The following THSD7B variants were observed in gnomAD, a reference collection of about 807,000 sequenced individuals.
THSD7B encodes the protein thrombospondin type-1 domain-containing protein 7B.
THSD7B carries 138 observed loss-of-function variants against 213.6 expected under a neutral mutation model. The ratio of observed to expected loss-of-function variants is 0.65; its 90% CI spans 0.56 to 0.74. THSD7B has a LOEUF of 0.74. Among genes scored for constraint, THSD7B ranks in the 30% least tolerant of loss-of-function variants. The pLI is 0.00. For missense variants in THSD7B, 1,931 were observed against 1,991.5 expected (o/e 0.97, Z 0.58); for synonymous variants, 742 against 687.0 (o/e 1.08, Z -1.25).
At chr2:136,803,204 AAATTTTC>A (rs1295717154) in intron 1 of THSD7B, among the ~76,000 whole-genome samples, 1 of 152,074 alleles carries the variant, frequency 6.6e-6, no homozygotes, top group Non-Finnish European at 1.5e-5. Context: ...TGTTCTGTCC[AAATTTTC>A]AATAAGCAAA....
rs536446314 is a variant in THSD7B, at chr2:137,331,798, G to A, written c.2500+55772G>A. ...CGGTGAGAAATCGAGCGCAGCGCTCGTGGGCTGGTACTGCTGGGGGACCCA... is the reference window on the plus strand; with the variant it reads ...CGGTGAGAAATCGAGCGCAGCGCTCATGGGCTGGTACTGCTGGGGGACCCA... On this transcript the variant is annotated intron_variant, in intron 12 of 27. Transcript: ENST00000409968. Among the ~76,000 whole-genome samples the A allele has an allele frequency of 1.7e-4, 26 of 152,318 alleles. No individual in the cohort carries two copies. In the South Asian group the frequency reaches 3.3e-3, roughly 19 times the overall value.
At chr2:136,779,598 C>T (rs16836622) in intron 1 of THSD7B, among the ~76,000 whole-genome samples, 19,367 of 152,110 alleles carry the variant, frequency 0.13, 1,745 homozygotes, top group East Asian at 0.24. Context: ...TTGGAAACTT[C>T]ATTGAACATA....
intron 12 of THSD7B, among the ~76,000 whole-genome samples, chr2:137,284,329 G>T (rs1032115165): frequency 6.6e-6 from 1 of 151,984 alleles, no homozygotes; most frequent in Non-Finnish European, 1.5e-5. Context: ...AATCAATTTT[G>T]TTGATCTTTT....
At chr2:137,189,870 A>G (rs1470433541) in intron 7 of THSD7B, among the ~76,000 whole-genome samples, 2 of 151,914 alleles carry the variant, frequency 1.3e-5, no homozygotes, top group African/African-American at 4.8e-5. Context: ...CTTCTTATAT[A>G]TGCTCCTCAA....
At chr2:136,949,210 CCTTG>C (rs1684992650) in intron 2 of THSD7B, among the ~76,000 whole-genome samples, 1 of 152,178 alleles carries the variant, frequency 6.6e-6, no homozygotes, top group Non-Finnish European at 1.5e-5. Flanking sequence ...AATTGTGCTT[CCTTG>C]CTTCTTTGGA....
At chr2:137,206,100 T>C (rs1387693292) in intron 7 of THSD7B, among the ~76,000 whole-genome samples, 2 of 151,796 alleles carry the variant, frequency 1.3e-5, no homozygotes, top group African/African-American at 2.4e-5. Flanking sequence ...GGATCAGGAA[T>C]TGCGGAGGGT....
chr2:137,573,955 GT>G (rs1681408876), intron 17 of THSD7B, among the ~76,000 whole-genome samples: 2 of 152,046 alleles, frequency 1.3e-5, no homozygotes, highest in African/African-American at 4.8e-5. Flanking sequence ...AAGGGTAGCT[GT>G]TTTAGTTATC....
chr2:137,360,345 T>C (rs1039524200), intron 12 of THSD7B, among the ~76,000 whole-genome samples: 4 of 152,008 alleles, frequency 2.6e-5, no homozygotes, highest in African/African-American at 9.7e-5. Context: ...AGGTACCTGG[T>C]TCATCTCATT....
At chr2:137,522,538 T>C (rs971933256) in intron 15 of THSD7B, among the ~76,000 whole-genome samples, 1 of 152,126 alleles carries the variant, frequency 6.6e-6, no homozygotes, top group Non-Finnish European at 1.5e-5. Context: ...CTTTTTTTTT[T>C]TTCTTTTCCT....
chr2:136,839,758 T>G (rs1682896302), intron 1 of THSD7B, among the ~76,000 whole-genome samples: 1 of 152,220 alleles, frequency 6.6e-6, no homozygotes, highest in South Asian at 2.1e-4. Flanking sequence ...GGTTTGGTGC[T>G]GCCTGATGGT....
At chr2:137,089,245 GGTGTGTGTGT>G (rs70975799) in intron 3 of THSD7B, among the ~76,000 whole-genome samples, 28 of 126,788 alleles carry the variant, frequency 2.2e-4, no homozygotes, top group African/African-American at 6.7e-4. Flanking sequence ...TAAAGAAAGT[GGTGTGTGTGT>G]GTGTGTGTGT....
chr2:137,389,678 T>TAAA (rs1685977117), intron 12 of THSD7B, among the ~76,000 whole-genome samples: 1 of 150,682 alleles, frequency 6.6e-6, no homozygotes, highest in Non-Finnish European at 1.5e-5. Flanking sequence ...CCCTAGGTTT[T>TAAA]CATCTAGTAT....
At chr2:137,535,560 G>T (rs934817527) in intron 15 of THSD7B, among the ~76,000 whole-genome samples, 1 of 151,518 alleles carries the variant, frequency 6.6e-6, no homozygotes, top group East Asian at 1.9e-4. Context: ...CTTTATACCC[G>T]GTGCCTAACT....
intron 5 of THSD7B, among the ~76,000 whole-genome samples, chr2:137,140,433 CTA>C (rs1679558179): frequency 1.3e-5 from 2 of 152,068 alleles, no homozygotes; most frequent in Admixed American, 1.3e-4. Context: ...CAATATTTTA[CTA>C]TGTTTCCTTG....
chr2:137,304,403 T>C (rs1381572259), intron 12 of THSD7B, among the ~76,000 whole-genome samples: 1 of 152,182 alleles, frequency 6.6e-6, no homozygotes, highest in Non-Finnish European at 1.5e-5. Context: ...CTCATGCAAC[T>C]TACTTTCATT....
chr2:137,642,466 G>A (rs1233528305), intron 20 of THSD7B, 22 bp from the exon 21 acceptor site: 1 of 1,612,144 alleles, frequency 6.2e-7, no homozygotes, highest in Non-Finnish European at 8.5e-7. Flanking sequence ...CTGAAAAGCT[G>A]ACACCTCCCT....
chr2:137,087,625 A>G (rs1687864044), intron 3 of THSD7B, among the ~76,000 whole-genome samples: 1 of 152,236 alleles, frequency 6.6e-6, no homozygotes, highest in Admixed American at 6.5e-5. Flanking sequence ...GGAAAACTAC[A>G]AAACACTGCT....
At position 137,640,251 on chromosome 2, in the gene THSD7B, C is replaced by T. The variant is rs555525677; in HGVS notation, c.3800-2237C>T. On this transcript the variant is annotated intron_variant, in intron 20 of 27. Transcript: ENST00000409968. ...ATCTGATGGGTTTATCAGGGGTTTC[C>T]GCTTTTGCTTCTTCCTCATTTTTCT... Among the ~76,000 whole-genome samples the T allele has an allele frequency of 2.6e-4, 39 of 152,184 alleles. 1 individual carries two copies. In the South Asian group the frequency reaches 7.1e-3, roughly 28 times the overall value.
chr2:137,148,533 G>T (rs1679753905), intron 5 of THSD7B, among the ~76,000 whole-genome samples: 1 of 152,138 alleles, frequency 6.6e-6, no homozygotes, highest in South Asian at 2.1e-4. Flanking sequence ...TCAGAAGACA[G>T]GAAAATGTAG....
Sources: gnomAD v4.1 joint callset for allele counts (sites outside exome capture counted in the v4.1 genomes callset) on GRCh38, gnomAD v4.1.1 for gene constraint, MANE v1.5 for transcripts, NCBI Gene and HGNC (gene_info 2026-07-23, HGNC 2026-07-21) for gene names.